The following SORBS2 variants were observed in gnomAD, a reference collection of about 807,000 sequenced individuals.
The protein encoded by SORBS2 is sorbin and SH3 domain-containing protein 2.
SORBS2 carries 46 observed loss-of-function variants against 97.7 expected under a neutral mutation model. The ratio of observed to expected loss-of-function variants is 0.47; its 90% CI spans 0.37 to 0.60. The LOEUF (loss-of-function observed/expected upper bound fraction) is 0.60, where lower values mean the gene tolerates loss of function less well. Among genes scored for constraint, SORBS2 ranks in the 20% least tolerant of loss-of-function variants. SORBS2 has a pLI of 0.00. For missense variants in SORBS2, 1,316 were observed against 1,282.3 expected (o/e 1.03, Z -0.40); for synonymous variants, 476 against 473.4 (o/e 1.01, Z -0.07).
intron 1 of SORBS2, among the ~76,000 whole-genome samples, chr4:185,956,030 C>G (rs929359458): frequency 9.9e-5 from 15 of 152,200 alleles, no homozygotes; most frequent in African/African-American, 3.6e-4. Flanking sequence ...TTCCTTTATT[C>G]TGCTTAGTAG....
rs1361951944 is a variant in SORBS2 at position 185,652,652 on chromosome 4, G to A, written c.91+10C>T. On this transcript the variant is annotated intron_variant, in intron 2 of 14. Transcript: ENST00000418609. ...AAGGACCTCATCAGAAAGCAGAGCAGCAGACATACCCGGCTTGTGCACCAT... is the reference window on the plus strand; with the variant it reads ...AAGGACCTCATCAGAAAGCAGAGCAACAGACATACCCGGCTTGTGCACCAT... The A allele has an allele frequency of 1.2e-6, 2 of 1,611,290 alleles. No homozygotes were observed. The highest frequency in any genetic ancestry group is 1.1e-5 in the South Asian group (1 of 91,022).
intron 9 of SORBS2, among the ~76,000 whole-genome samples, chr4:185,617,746 A>G (rs1286997754): frequency 1.3e-5 from 2 of 152,180 alleles, no homozygotes; most frequent in Non-Finnish European, 2.9e-5. Flanking sequence ...GGCAAAAGAA[A>G]TATTGCAATT....
intron 2 of SORBS2, among the ~76,000 whole-genome samples, chr4:185,743,318 C>G (rs531360495): frequency 3.9e-5 from 6 of 152,266 alleles, no homozygotes; most frequent in African/African-American, 1.4e-4. Context: ...TTTCAACTCT[C>G]TCTCTGGCAT....
At chr4:185,717,038 G>T (rs2098470990) in intron 2 of SORBS2, among the ~76,000 whole-genome samples, 1 of 152,196 alleles carries the variant, frequency 6.6e-6, no homozygotes, top group Admixed American at 6.5e-5. Context: ...CCATAAAACT[G>T]TCCGAGCTTA....
At chr4:185,910,768 T>C (rs550480795) in intron 1 of SORBS2, among the ~76,000 whole-genome samples, 2 of 152,264 alleles carry the variant, frequency 1.3e-5, no homozygotes, top group South Asian at 4.2e-4. Context: ...ACCTAAATCC[T>C]GTGGGTATAC....
intron 2 of SORBS2, among the ~76,000 whole-genome samples, chr4:185,729,764 G>T (rs2153569720): frequency 6.6e-6 from 1 of 152,282 alleles, no homozygotes; most frequent in East Asian, 1.9e-4. Context: ...AGAGAGAAAA[G>T]AAAACATTTC....
intron 2 of SORBS2, among the ~76,000 whole-genome samples, chr4:185,686,994 G>A (rs953179042): frequency 1.3e-5 from 2 of 152,102 alleles, no homozygotes; most frequent in Admixed American, 6.5e-5. Context: ...GGAAAAACTG[G>A]GATTTTGATA....
At chr4:185,775,905 T>A (rs1274408225) in intron 1 of SORBS2, 1 of 152,188 alleles carries the variant, frequency 6.6e-6, no homozygotes, top group Non-Finnish European at 1.5e-5. Context: ...ATGCTATTTT[T>A]GAAAGCTACT....
rs1161028284 is a variant in SORBS2, at chr4:185,591,098, T to A, written c.2847-1313A>T. On this transcript the variant is annotated intron_variant, in intron 13 of 14. Transcript: ENST00000418609. The stretch of plus-strand genomic sequence containing the variant: ...AACAAAACTATTCTATCATTTAAAC[T>A]CAAATCTTATGTCATTAATAAGCAA... Among the ~76,000 whole-genome samples the A allele has an allele frequency of 1.3e-5, 2 of 151,318 alleles. 1 individual carries two copies. Among genetic ancestry groups the A allele is most frequent in the Admixed American group, 1.3e-4 (2 of 15,200 alleles).
chr4:185,653,379 C>A (rs188620408), intron 1 of SORBS2, among the ~76,000 whole-genome samples: 42 of 152,290 alleles, frequency 2.8e-4, no homozygotes, highest in Admixed American at 1.4e-3. Flanking sequence ...GAAGTCCTTA[C>A]GGATCCAGGC....
intron 2 of SORBS2, among the ~76,000 whole-genome samples, chr4:185,681,519 G>A (rs1197850462): frequency 6.6e-6 from 1 of 152,128 alleles, no homozygotes; most frequent in East Asian, 1.9e-4. Context: ...ACAAAGCTAG[G>A]ACTAGGGGCC....
chr4:185,823,307 T>G (rs1009865733), intron 1 of SORBS2, among the ~76,000 whole-genome samples: 6 of 152,346 alleles, frequency 3.9e-5, no homozygotes, highest in African/African-American at 1.4e-4. Flanking sequence ...AGATGCTTTT[T>G]GGTTTACAAT....
intron 4 of SORBS2, among the ~76,000 whole-genome samples, chr4:185,632,600 G>A (rs1581406671): frequency 6.6e-6 from 1 of 152,096 alleles, no homozygotes; most frequent in African/African-American, 2.4e-5. Flanking sequence ...TGAGAGCATC[G>A]GCGTCTGTGC....
chr4:185,934,775 C>A (rs1232068580), intron 1 of SORBS2, among the ~76,000 whole-genome samples: 1 of 146,406 alleles, frequency 6.8e-6, no homozygotes, highest in Non-Finnish European at 1.5e-5. Context: ...CAGTGAGACT[C>A]CATCTCAAAA....
At chr4:185,675,585 C>A (rs1403528758) in intron 4 of SORBS2, among the ~76,000 whole-genome samples, 1 of 152,144 alleles carries the variant, frequency 6.6e-6, no homozygotes, top group African/African-American at 2.4e-5. Flanking sequence ...CAACTTACTT[C>A]TGTGCCTCAG....
At chr4:185,696,872 T>C (rs1462734328) in intron 2 of SORBS2, among the ~76,000 whole-genome samples, 4 of 152,208 alleles carry the variant, frequency 2.6e-5, no homozygotes, top group Admixed American at 2.6e-4. Flanking sequence ...AGTACAGTAT[T>C]AGGAGAATTC....
rs138240739 is a variant in SORBS2 at position 185,885,109 on chromosome 4, C to A, written c.-338+71087G>T. ...TGCTGGGAAAGAAGGTGCAATCCAG[C>A]AAAACTGAAGTTACAGATACTCATA... On this transcript the variant is annotated intron_variant, in intron 1 of 20. Coordinates refer to the SORBS2 transcript ENST00000284776. Among the ~76,000 whole-genome samples the A allele has an allele frequency of 1.9e-4, 29 of 152,290 alleles. No individual in the cohort carries two copies. The East Asian group carries it at 2.7e-3, about 14-fold the overall frequency.
rs1448783400 is a variant in SORBS2 at position 185,861,997 on chromosome 4, G to T, written c.-337-86631C>A. 2.0e-5 allele frequency among the ~76,000 whole-genome samples: 3 copies of T among 152,348 alleles called. No homozygotes were observed. In the East Asian group the frequency reaches 5.8e-4, roughly 29 times the overall value. On this transcript the variant is annotated intron_variant, in intron 1 of 20. Transcript: ENST00000284776. ...AAGGCTGGCAATAGTCCGGATGAGA[G>T]ATGACGGTGGCATGAACAAGGTGCT...
chr4:185,821,886 G>A (rs572951112), intron 1 of SORBS2, among the ~76,000 whole-genome samples: 6 of 152,218 alleles, frequency 3.9e-5, no homozygotes, highest in East Asian at 3.9e-4. Context: ...AACATGTCTC[G>A]AACACCTTCT....
Sources: gnomAD v4.1 joint callset for allele counts (sites outside exome capture counted in the v4.1 genomes callset) on GRCh38, gnomAD v4.1.1 for gene constraint, MANE v1.5 for transcripts, NCBI Gene and HGNC (gene_info 2026-07-23, HGNC 2026-07-21) for gene names.